FCGR2A: variants seen among roughly 807,000 people sequenced by gnomAD.
FCGR2A encodes low affinity immunoglobulin gamma Fc region receptor II-a.
A neutral mutation model predicts 29.3 loss-of-function variants in FCGR2A; 18 were observed. The ratio of observed to expected loss-of-function variants is 0.62; its 90% CI spans 0.43 to 0.91. The LOEUF (loss-of-function observed/expected upper bound fraction) is 0.91. Among genes scored for constraint, FCGR2A ranks in the 40% least tolerant of loss-of-function variants. The pLI is 0.00. For missense variants in FCGR2A, 287 were observed against 393.0 expected, an observed-to-expected ratio of 0.73 and a Z score of 2.28; for synonymous variants, 126 against 144.8, an observed-to-expected ratio of 0.87 and a Z score of 0.93.
Position 161,510,973 on chromosome 1 carries a change from A to C in FCGR2A, c.742+17A>C, listed in dbSNP as rs146506140. The stretch of plus-strand genomic sequence containing the variant: ...GGATTTCAGGTTTGTAGCTCCTCCC[A>C]GTCCCTTTTGTTATCAGTTTCCATT... On this transcript the variant is annotated intron_variant, in intron 5 of 6. Coordinates refer to ENST00000271450, the MANE Select transcript of FCGR2A (RefSeq NM_001136219.3). The C allele has an allele frequency of 2.5e-6, 4 of 1,614,050 alleles. No individual in the cohort carries two copies. The South Asian group carries it at 3.3e-5, about 13-fold the overall frequency.
In FCGR2A at chr1:161,518,272, C is replaced by G. The variant is rs960824648; in HGVS notation, c.*124C>G. 1 of 1,478,880 alleles carries G rather than the reference C, an allele frequency of 6.8e-7. No individual in the cohort carries two copies. Among genetic ancestry groups the G allele is most frequent in the African/African-American group, 1.4e-5 (1 of 70,520 alleles). 91.6% of individuals were successfully genotyped at this position (1,478,880 alleles called of 1,614,324 possible). ...ATCCTGAGCAAACAAAACCACCTGG[C>G]CCTTAGAAATAGCTTTAACTTTGCT... On this transcript the variant is annotated 3_prime_UTR_variant, in exon 7 of 7. Coordinates refer to ENST00000271450, the MANE Select transcript of FCGR2A (RefSeq NM_001136219.3).
downstream of FCGR2A, chr1:161,523,931 A>C (rs142787043): frequency 2.6e-5 from 4 of 152,296 alleles, no homozygotes; most frequent in South Asian, 6.2e-4. Context: ...TGTCAGCTAA[A>C]GACCTGCAGT....
At chr1:161,506,940 T>G (rs1195575071) in intron 3 of FCGR2A, among the ~76,000 whole-genome samples, 1 of 151,296 alleles carries the variant, frequency 6.6e-6, no homozygotes, top group East Asian at 1.9e-4. Context: ...AGCAGAGAGG[T>G]TGGGGGAAAT....
chr1:161,509,779 C>A (rs1161298214), intron 3 of FCGR2A, 41 bp from the exon 4 acceptor site: 1 of 1,611,950 alleles, frequency 6.2e-7, no homozygotes, highest in East Asian at 2.2e-5. Flanking sequence ...CCCTTGGAAT[C>A]TATCCTTACA....
At chr1:161,523,880 C>G (rs1278782198), downstream of FCGR2A, 1 of 151,936 alleles carries the variant, frequency 6.6e-6, no homozygotes, top group Non-Finnish European at 1.5e-5. Flanking sequence ...GGGCCTCCCG[C>G]GTGGCAGGCG....
At position 161,518,764 on chromosome 1, in the gene FCGR2A, A is replaced by G. The variant is rs1676299953; in HGVS notation, c.*616A>G. 6.4e-6 allele frequency: 1 copy of G among 156,386 alleles called. No homozygotes were observed. Among genetic ancestry groups the G allele is most frequent in the Non-Finnish European group, 1.4e-5 (1 of 70,974 alleles). The allele number at this position is 156,386 out of a possible 1,614,324, so 9.7% of individuals were successfully genotyped here. Reference sequence around the variant, plus strand: ...GCTGGGATTAGAGGCATGTGCCATCATACCCAGCTAATTTTTGTATTTTTT... The same window carrying G: ...GCTGGGATTAGAGGCATGTGCCATCGTACCCAGCTAATTTTTGTATTTTTT... On this transcript the variant is annotated 3_prime_UTR_variant, in exon 7 of 7. Coordinates refer to ENST00000271450, the MANE Select transcript of FCGR2A (RefSeq NM_001136219.3).
chr1:161,513,809 GT>G (rs1557834945), intron 5 of FCGR2A, 85 bp from the exon 6 acceptor site: 1 of 1,598,306 alleles, frequency 6.3e-7, no homozygotes, highest in African/African-American at 1.3e-5. Context: ...TTTGAGTCTG[GT>G]TATGGTTTTG....
chr1:161,513,015 C>T (rs947245788), intron 5 of FCGR2A, among the ~76,000 whole-genome samples: 16 of 152,178 alleles, frequency 1.1e-4, no homozygotes, highest in African/African-American at 3.6e-4. Context: ...AAAGGCAAAG[C>T]TGGGTTGCTG....
intron 5 of FCGR2A, among the ~76,000 whole-genome samples, chr1:161,511,925 G>A (rs1223608860): frequency 2.0e-5 from 3 of 152,212 alleles, no homozygotes; most frequent in African/African-American, 7.2e-5. Context: ...CTGGGAGCCA[G>A]GGAGGGAGCA....
intron 4 of FCGR2A, 117 bp from the exon 5 acceptor site, chr1:161,510,717 C>T: frequency 7.5e-7 from 1 of 1,327,402 alleles, no homozygotes; most frequent in Non-Finnish European, 1.0e-6. Context: ...CACAGAAGAG[C>T]TTCAGGTGAC....
rs1300246979 is a variant in FCGR2A, at chr1:161,509,974, C to T, written c.519C>T (p.Ser173=). 6.2e-7 allele frequency: 1 copy of T among 1,613,976 alleles called. No individual in the cohort carries two copies. The highest frequency in any genetic ancestry group is 8.5e-7 in the Non-Finnish European group (1 of 1,179,866). Residue 173 remains serine (S), a synonymous_variant, in exon 4 of 7, where the codon TCC becomes TCT. Coordinates refer to ENST00000271450, the MANE Select transcript of FCGR2A (RefSeq NM_001136219.3). ...TCTCCCATTTGGATCCCACCTTCTCCATCCCACAAGCAAACCACAGTCACA... is the reference window on the plus strand; with the variant it reads ...TCTCCCATTTGGATCCCACCTTCTCTATCCCACAAGCAAACCACAGTCACA... ...QKFSHLDPTF[S]IPQANHSHSG... is the part of the protein sequence containing the mutation.
rs372881615 is a variant in FCGR2A at position 161,510,849 on chromosome 1, G to C, written c.635G>C (p.Ser212Thr). The change falls in exon 5 of 7, where the codon AGC becomes ACC. Residue 212 changes from serine (S) to threonine (T), a missense_variant. Physicochemically the swap from Ser to Thr is moderately conservative, Grantham distance 58 (BLOSUM62 1). Transcript: ENST00000271450. ...TITVQVPSMG[S>T]SSPMGIIVAV... Reference sequence around the variant, plus strand: ...TCTTCCCTAGTGCCCAGCATGGGCAGCTCTTCACCAATGGGGATCATTGTG... The same window carrying C: ...TCTTCCCTAGTGCCCAGCATGGGCACCTCTTCACCAATGGGGATCATTGTG... 9.3e-6 allele frequency: 15 copies of C among 1,614,060 alleles called. No individual in the cohort carries two copies. In the African/African-American group the frequency reaches 1.7e-4, roughly 19 times the overall value.
intron 6 of FCGR2A, among the ~76,000 whole-genome samples, chr1:161,514,330 T>G (rs2102480501): frequency 6.7e-6 from 1 of 150,108 alleles, no homozygotes; most frequent in South Asian, 2.1e-4. Flanking sequence ...CTTCCACATT[T>G]TCCAAATTAA....
rs1473755471 is a variant in FCGR2A at position 161,518,329 on chromosome 1, G to A, written c.*181G>A. On this transcript the variant is annotated 3_prime_UTR_variant, in exon 7 of 7. Transcript: ENST00000271450. ...ACAAACACAAGCAAAACTTCACGGG[G>A]TCATACTACATACAAGCATAAGCAA... 1 of 930,056 alleles carries A rather than the reference G, an allele frequency of 1.1e-6. No homozygotes were observed. The highest frequency in any genetic ancestry group is 2.9e-5 in the Admixed American group (1 of 34,152). 57.6% of individuals were successfully genotyped at this position (930,056 alleles called of 1,614,324 possible).
At chr1:161,510,405 G>A (rs559554506) in intron 4 of FCGR2A, 15 of 545,876 alleles carry the variant, frequency 2.7e-5, no homozygotes, top group South Asian at 2.1e-4. Context: ...GGTTTGCCTC[G>A]TTTCTTCTCA....
chr1:161,513,206 C>T (rs1675924072), intron 5 of FCGR2A: 2 of 151,176 alleles, frequency 1.3e-5, no homozygotes, highest in African/African-American at 2.5e-5. Flanking sequence ...ACTTTTCACA[C>T]TGGCCAAGTC....
At chr1:161,507,241 C>CT (rs1026305473) in intron 3 of FCGR2A, among the ~76,000 whole-genome samples, 2 of 151,338 alleles carry the variant, frequency 1.3e-5, no homozygotes, top group Non-Finnish European at 2.9e-5. Context: ...TTTTTTTTCC[C>CT]CCAAGTAGCT....
rs1676365298 is a variant in FCGR2A at position 161,519,627 on chromosome 1, T to G, written c.*1479T>G. 4 of 151,996 alleles carry G rather than the reference T, an allele frequency of 2.6e-5. No individual in the cohort carries two copies. Among genetic ancestry groups the G allele is most frequent in the Admixed American group, 2.6e-4 (4 of 15,238 alleles). The allele number at this position is 151,996 out of a possible 1,614,324, so 9.4% of individuals were successfully genotyped here. A position where few individuals can be genotyped will look rare whatever the true frequency, so the allele number is the denominator to read the frequency against. ...GGGGTGTAGACTGAACTATCCGGGG[T>G]CTGTTTCTTTTCGGTGATGAAAGTC... On this transcript the variant is annotated 3_prime_UTR_variant, in exon 7 of 7. Transcript: ENST00000271450.
chr1:161,508,707 A>T (rs1675581550), intron 3 of FCGR2A, among the ~76,000 whole-genome samples: 1 of 152,056 alleles, frequency 6.6e-6, no homozygotes, highest in Non-Finnish European at 1.5e-5. Flanking sequence ...TATTAAGTCT[A>T]TTGAAACTTT....
Sources: gnomAD v4.1 joint callset for allele counts (sites outside exome capture counted in the v4.1 genomes callset) on GRCh38, gnomAD v4.1.1 for gene constraint, MANE v1.5 for transcripts, NCBI Gene and HGNC (gene_info 2026-07-23, HGNC 2026-07-21) for gene names.